Variants in EFEMP2 observed in about 807,000 individuals in gnomAD.
The protein encoded by EFEMP2 is EGF-like fibulin extracellular matrix protein 2, also known as EGF-containing fibulin-like extracellular matrix protein 2.
EFEMP2 carries 21 observed loss-of-function variants against 55.3 expected under a neutral mutation model. That is an observed-to-expected ratio of 0.38 (90% confidence interval 0.27 to 0.55). The LOEUF is 0.55. Among genes scored for constraint, EFEMP2 ranks in the 20% least tolerant of loss-of-function variants. EFEMP2 has a pLI of 0.77. For missense variants in EFEMP2, 513 were observed against 615.1 expected (o/e 0.83, Z 1.76); for synonymous variants, 275 against 242.3 (o/e 1.14, Z -1.25).
chr11:65,868,914 A>T, intron 7 of EFEMP2: 2 of 451,200 alleles, frequency 4.4e-6, no homozygotes, highest in East Asian at 9.2e-5. Flanking sequence ...ATCTAGGGGA[A>T]TCTCATTTTC....
At position 65,866,493 on chromosome 11, in the gene EFEMP2, G is replaced by A. The variant is rs1274659017; in HGVS notation, c.*425C>T. 2 of 702,578 alleles carry A rather than the reference G, an allele frequency of 2.8e-6. No individual in the cohort carries two copies. Among genetic ancestry groups the A allele is most frequent in the African/African-American group, 1.7e-5 (1 of 57,260 alleles). The allele number at this position is 702,578 out of a possible 1,614,324, so 43.5% of individuals were successfully genotyped here. On this transcript the variant is annotated 3_prime_UTR_variant, in exon 11 of 11. Coordinates refer to ENST00000307998, the MANE Select transcript of EFEMP2 (RefSeq NM_016938.5). ...AAAAACAGGCCCAGGGAACTACTAG[G>A]GCTTATCCAAATGTACAGTTTGAGG... is the stretch of plus-strand genomic sequence containing the variant.
At chr11:65,867,425 G>A in intron 10 of EFEMP2, 1 of 439,884 alleles carries the variant, frequency 2.3e-6, no homozygotes, top group South Asian at 2.2e-5. Context: ...ATTTCAAAAA[G>A]AAAGAGAAGG....
chr11:65,867,993 G>A lies in EFEMP2; in HGVS notation c.1038C>T (p.Arg346=). The change falls in exon 10 of 11, where the codon CGC becomes CGT. Residue 346 remains arginine (R), a synonymous_variant. Coordinates refer to ENST00000307998, the MANE Select transcript of EFEMP2 (RefSeq NM_016938.5). ...CREQPSSIVH[R]YMTITSERSV... is the part of the protein sequence containing the mutation. ...TCCGCTCCGAGGTGATGGTCATGTA[G>A]CGGTGCACAATGGATGAAGGCTGCT... The A allele has an allele frequency of 3.1e-6, 5 of 1,614,068 alleles. No homozygotes were observed. The highest frequency in any genetic ancestry group is 4.2e-6 in the Non-Finnish European group (5 of 1,180,016).
chr11:65,871,741 C>T, intron 3 of EFEMP2: 1 of 622,746 alleles, frequency 1.6e-6, no homozygotes, highest in Non-Finnish European at 2.9e-6. Flanking sequence ...GGATCCAGCT[C>T]CTCTGAGGGG....
At chr11:65,870,464 G>C in intron 5 of EFEMP2, 72 bp downstream of exon 5, 1 of 1,602,962 alleles carries the variant, frequency 6.2e-7, no homozygotes, top group Non-Finnish European at 8.5e-7. Flanking sequence ...CTTGAATGGG[G>C]GTCAGGTGCT....
At chr11:65,872,174 G>C in intron 2 of EFEMP2, 70 bp downstream of exon 2, 16 of 1,505,476 alleles carry the variant, frequency 1.1e-5, no homozygotes, top group Non-Finnish European at 1.4e-5. Flanking sequence ...CCCGGCAGCA[G>C]TCACCCTGGG....
intron 4 of EFEMP2, 131 bp from the exon 5 acceptor site, chr11:65,870,789 A>G (rs1285723283): frequency 7.3e-7 from 1 of 1,369,566 alleles, no homozygotes; most frequent in Non-Finnish European, 1.0e-6. Context: ...CCATCAGGAA[A>G]GGCACCCCTA....
rs780659504 is a variant in EFEMP2, at chr11:65,871,228, G to C, written c.296C>G (p.Pro99Arg). 1 of 1,614,088 alleles carries C rather than the reference G, an allele frequency of 6.2e-7. No homozygotes were observed. The highest frequency in any genetic ancestry group is 2.2e-5 in the East Asian group (1 of 44,882). ...NDLHGEGPPP[P>R]VPPAQHPNPC... ...GTTGGGGTGTTGAGCGGGAGGCACT[G>C]GTGGCGGGGGTCCCTCGCCGTGTAG... is the stretch of plus-strand genomic sequence containing the variant. The change falls in exon 4 of 11, where the codon CCA becomes CGA. Residue 99 changes from proline to arginine, a missense_variant. By Grantham distance (103) the Pro-to-Arg change is moderately radical (BLOSUM62 -2). Coordinates refer to ENST00000307998, the MANE Select transcript of EFEMP2 (RefSeq NM_016938.5).
At chr11:65,870,297 G>C (rs937096955) in intron 5 of EFEMP2, 60 bp from the exon 6 acceptor site, 4 of 1,547,612 alleles carry the variant, frequency 2.6e-6, no homozygotes, top group African/African-American at 2.7e-5. Flanking sequence ...AGGTGGGCTC[G>C]AGCCGGCTGG....
In EFEMP2 at chr11:65,872,377, C is replaced by CA. The variant is rs1054830588; in HGVS notation, c.-7-17dup. 4 of 1,526,318 alleles carry CA rather than the reference C, an allele frequency of 2.6e-6. No individual in the cohort carries two copies. The African/African-American group carries it at 5.5e-5, about 21-fold the overall frequency. The allele number at this position is 1,526,318 out of a possible 1,614,324, so 94.5% of individuals were successfully genotyped here. A position where few individuals can be genotyped will look rare whatever the true frequency, so the allele number is the denominator to read the frequency against. On this transcript the variant is annotated splice_polypyrimidine_tract_variant and intron_variant, in intron 1 of 10. Coordinates refer to ENST00000307998, the MANE Select transcript of EFEMP2 (RefSeq NM_016938.5). Reference sequence around the variant, plus strand: ...CATCCTGGGGCTGCGAGATGGTGGACACGGGTCAGGGGCCTCTGCCCGCGG... The same window carrying CA: ...CATCCTGGGGCTGCGAGATGGTGGACAACGGGTCAGGGGCCTCTGCCCGCGG...
At chr11:65,870,463 G>C in intron 5 of EFEMP2, 73 bp downstream of exon 5, 1 of 1,601,128 alleles carries the variant, frequency 6.2e-7, no homozygotes, top group East Asian at 2.2e-5. Context: ...GCTTGAATGG[G>C]GGTCAGGTGC....
intron 9 of EFEMP2, 30 bp from the exon 10 acceptor site, chr11:65,868,086 G>T (rs374616374): frequency 1.4e-5 from 22 of 1,610,364 alleles, no homozygotes; most frequent in Admixed American, 5.0e-5. Context: ...GGACACAAAT[G>T]AGCTCCTTGC....
In EFEMP2 at chr11:65,868,577, G is replaced by A. The variant is rs772353731; in HGVS notation, c.780C>T (p.Asn260=). 7.4e-6 allele frequency: 12 copies of A among 1,613,982 alleles called. No homozygotes were observed. The highest frequency in any genetic ancestry group is 6.7e-5 in the Admixed American group (4 of 60,024). ...AGTGGCAGGAGAAACGGCCTGGCTC[G>A]TTGATGCAGCGGTACTGACAGAGGT... ...SSYLCQYRCI[N]EPGRFSCHCP... is the part of the protein sequence containing the mutation. The change falls in exon 8 of 11, where the codon AAC becomes AAT. Residue 260 remains asparagine (N), a synonymous_variant. Transcript: ENST00000307998.
chr11:65,872,160 C>G (rs1466770229), intron 2 of EFEMP2, 84 bp downstream of exon 2: 1 of 1,503,366 alleles, frequency 6.7e-7, no homozygotes, highest in South Asian at 1.2e-5. Context: ...GGGAGGAAGA[C>G]TTCCCCGGCA....
At chr11:65,868,725 CTG>C in intron 7 of EFEMP2, 96 bp from the exon 8 acceptor site, 7 of 1,541,604 alleles carry the variant, frequency 4.5e-6, no homozygotes, top group Non-Finnish European at 6.2e-6. Context: ...CCATGTTAGA[CTG>C]AATGTAGGAA....
chr11:65,870,345 G>C, intron 5 of EFEMP2, 108 bp from the exon 6 acceptor site: 2 of 1,423,246 alleles, frequency 1.4e-6, no homozygotes, highest in Non-Finnish European at 2.0e-6. Flanking sequence ...TGTGTCCGAG[G>C]AGCTGAATTA....
At position 65,871,410 on chromosome 11, in the gene EFEMP2, C is replaced by T. The variant is rs368646160; in HGVS notation, c.161-47G>A. On this transcript the variant is annotated intron_variant, in intron 3 of 10. Coordinates refer to ENST00000307998, the MANE Select transcript of EFEMP2 (RefSeq NM_016938.5). ...GCACAGCCAGTCTCCTGGGCTGGCC[C>T]TGGAGGGAGCGGAGGCAGGAACCCA... The T allele has an allele frequency of 7.5e-5, 120 of 1,590,988 alleles. No individual in the cohort carries two copies. The African/African-American group carries it at 1.2e-3, about 15-fold the overall frequency.
rs778475610 is a variant in EFEMP2 at position 65,868,332 on chromosome 11, T to C, written c.937A>G (p.Asn313Asp). 5.0e-6 allele frequency: 8 copies of C among 1,613,838 alleles called. No homozygotes were observed. The highest frequency in any genetic ancestry group is 6.8e-6 in the Non-Finnish European group (8 of 1,180,018). Residue 313 changes from asparagine (N) to aspartate (D), a missense_variant, in exon 9 of 11, where the codon AAC becomes GAC. Physicochemically the swap from Asn to Asp is conservative, Grantham distance 23. Coordinates refer to ENST00000307998, the MANE Select transcript of EFEMP2 (RefSeq NM_016938.5). ...TGGATGTAGGGCTCCACGCAGCGGT[T>C]GGTGTCCACGCAGCGGTAGCCCCCA... ...FHGGYRCVDTNRCVEPYIQVS... is the reference protein window; with the variant it reads ...FHGGYRCVDTDRCVEPYIQVS...
At chr11:65,871,849 G>T in intron 3 of EFEMP2, 121 bp downstream of exon 3, 1 of 1,259,538 alleles carries the variant, frequency 7.9e-7, no homozygotes, top group South Asian at 1.3e-5. Flanking sequence ...TAGCAGAGCT[G>T]GGCATAGAAC....
Sources: gnomAD v4.1 joint callset for allele counts on GRCh38, gnomAD v4.1.1 for gene constraint, MANE v1.5 for transcripts, NCBI Gene and HGNC (gene_info 2026-07-23, HGNC 2026-07-21) for gene names.